FAM117B: variants seen among roughly 807,000 people sequenced by gnomAD.
FAM117B encodes the protein protein FAM117B.
A neutral mutation model predicts 52.8 loss-of-function variants in FAM117B; 22 were observed. That is an observed-to-expected ratio of 0.42 (90% confidence interval 0.30 to 0.59). The LOEUF (loss-of-function observed/expected upper bound fraction) is 0.59. Among genes scored for constraint, FAM117B ranks in the 20% least tolerant of loss-of-function variants. The probability of loss-of-function intolerance (pLI) is 0.22; values close to 1 mark genes in which losing one functional copy is unlikely to be tolerated. For synonymous variants in FAM117B, 309 were observed against 324.1 expected (o/e 0.95, Z 0.50); for missense variants, 678 against 802.6 (o/e 0.84, Z 1.88).
chr2:202,726,383 A>C lies in FAM117B; in HGVS notation c.960+20A>C, dbSNP rs774887286. On this transcript the variant is annotated intron_variant, in intron 4 of 7. Transcript: ENST00000392238. ...TGTCAGGTAAGAGTACCAATACCACAAAATCCAGAAAAGGAATTTGTTGTT... is the reference window on the plus strand; with the variant it reads ...TGTCAGGTAAGAGTACCAATACCACCAAATCCAGAAAAGGAATTTGTTGTT... 1.3e-6 allele frequency: 2 copies of C among 1,532,186 alleles called. No homozygotes were observed. The highest frequency in any genetic ancestry group is 1.8e-6 in the Non-Finnish European group (2 of 1,120,782). The allele number at this position is 1,532,186 out of a possible 1,614,324, so 94.9% of individuals were successfully genotyped here.
chr2:202,716,523 T>A (rs755239152), intron 2 of FAM117B, among the ~76,000 whole-genome samples: 5 of 152,118 alleles, frequency 3.3e-5, no homozygotes, highest in Non-Finnish European at 5.9e-5. Flanking sequence ...ATTTTCTTGC[T>A]TTTTATTTTT....
chr2:202,696,573 G>A (rs2105777004), intron 2 of FAM117B, among the ~76,000 whole-genome samples: 1 of 152,232 alleles, frequency 6.6e-6, no homozygotes. Flanking sequence ...ATGGAATTTG[G>A]TCTTAAAAAT....
At chr2:202,703,330 A>G (rs538132708) in intron 2 of FAM117B, among the ~76,000 whole-genome samples, 3 of 152,264 alleles carry the variant, frequency 2.0e-5, no homozygotes, top group East Asian at 1.9e-4. Context: ...AGGTTCATTC[A>G]TGTTGTATCA....
chr2:202,709,049 C>T (rs996320146), intron 2 of FAM117B, among the ~76,000 whole-genome samples: 7 of 152,196 alleles, frequency 4.6e-5, no homozygotes, highest in African/African-American at 1.2e-4. Context: ...TCCTGACAGG[C>T]GCGAGATGAT....
intron 4 of FAM117B, among the ~76,000 whole-genome samples, chr2:202,755,286 A>T (rs1482323255): frequency 6.6e-6 from 1 of 152,068 alleles, no homozygotes; most frequent in Non-Finnish European, 1.5e-5. Context: ...TACTATATTT[A>T]TTTATCCCTG....
At position 202,658,916 on chromosome 2, in the gene FAM117B, T is replaced by C. The variant is rs150270478; in HGVS notation, c.601+23128T>C. On this transcript the variant is annotated intron_variant, in intron 1 of 7. Coordinates refer to ENST00000392238, the MANE Select transcript of FAM117B (RefSeq NM_173511.4). ...AGGTTTTGTTTTGTCAAATATTTTTTTTCTGCTCCAGTTTTTTTCTTTTGT... is the reference window on the plus strand; with the variant it reads ...AGGTTTTGTTTTGTCAAATATTTTTCTTCTGCTCCAGTTTTTTTCTTTTGT... 5.7e-3 allele frequency among the ~76,000 whole-genome samples: 863 copies of C among 152,286 alleles called. 5 individuals carry two copies. The highest frequency in any genetic ancestry group is 0.014 in the South Asian group (70 of 4,832).
chr2:202,741,922 C>A (rs1356194447), intron 4 of FAM117B, among the ~76,000 whole-genome samples: 1 of 152,052 alleles, frequency 6.6e-6, no homozygotes, highest in African/African-American at 2.4e-5. Context: ...AGCTAGAAGA[C>A]ATAATGGAAA....
At chr2:202,763,202 G>A (rs1199618461) in intron 7 of FAM117B, among the ~76,000 whole-genome samples, 1 of 151,154 alleles carries the variant, frequency 6.6e-6, no homozygotes. Context: ...CTCCCAAATA[G>A]CTGGGACTAC....
intron 2 of FAM117B, among the ~76,000 whole-genome samples, chr2:202,708,649 A>G (rs1353244351): frequency 6.6e-6 from 1 of 152,184 alleles, no homozygotes; most frequent in Admixed American, 6.5e-5. Flanking sequence ...TCTGTTGCGC[A>G]GGCTGAAATA....
chr2:202,697,775 C>A (rs1166445456), intron 2 of FAM117B, among the ~76,000 whole-genome samples: 1 of 152,076 alleles, frequency 6.6e-6, no homozygotes, highest in Non-Finnish European at 1.5e-5. Context: ...GTCTCAAACT[C>A]CTGTCCTCAA....
chr2:202,651,060 CTTT>C (rs138809054), intron 1 of FAM117B, among the ~76,000 whole-genome samples: 17 of 124,176 alleles, frequency 1.4e-4, no homozygotes, highest in Admixed American at 2.5e-4. Flanking sequence ...ATTTGCCATT[CTTT>C]TTTTTTTTTT....
intron 4 of FAM117B, among the ~76,000 whole-genome samples, chr2:202,749,863 G>A (rs1337704709): frequency 6.6e-6 from 1 of 152,080 alleles, no homozygotes; most frequent in Non-Finnish European, 1.5e-5. Flanking sequence ...CAAGTTCTCT[G>A]GATCACTATA....
In FAM117B at chr2:202,767,014, G is replaced by A. The variant is rs1691991632; in HGVS notation, c.*1250G>A. 6.6e-6 allele frequency: 1 copy of A among 152,594 alleles called. No homozygotes were observed. Among genetic ancestry groups the A allele is most frequent in the South Asian group, 2.1e-4 (1 of 4,828 alleles). 9.5% of individuals were successfully genotyped at this position (152,594 alleles called of 1,614,324 possible). A position where few individuals can be genotyped will look rare whatever the true frequency, so the allele number is the denominator to read the frequency against. On this transcript the variant is annotated 3_prime_UTR_variant, in exon 8 of 8. Transcript: ENST00000392238. ...TTCACATAGTGGGGAAAATACACAAGAAGAACTTGAGTATGAACGATAAGC... is the reference window on the plus strand; with the variant it reads ...TTCACATAGTGGGGAAAATACACAAAAAGAACTTGAGTATGAACGATAAGC...
At chr2:202,739,843 A>T (rs1691496673) in intron 4 of FAM117B, among the ~76,000 whole-genome samples, 1 of 151,906 alleles carries the variant, frequency 6.6e-6, no homozygotes, top group African/African-American at 2.4e-5. Flanking sequence ...GTCATGTCCA[A>T]ATTGTTTTTC....
intron 1 of FAM117B, among the ~76,000 whole-genome samples, chr2:202,680,815 A>G (rs554565250): frequency 2.0e-5 from 3 of 152,356 alleles, no homozygotes; most frequent in Admixed American, 1.3e-4. Context: ...AAATTACACT[A>G]TAAAAAATGC....
chr2:202,666,997 A>G (rs376770558), intron 1 of FAM117B, among the ~76,000 whole-genome samples: 5 of 152,022 alleles, frequency 3.3e-5, no homozygotes, highest in African/African-American at 7.2e-5. Flanking sequence ...GTGTTGTAGC[A>G]GTGATTTAAA....
intron 4 of FAM117B, among the ~76,000 whole-genome samples, chr2:202,732,413 T>C (rs1344817760): frequency 6.6e-6 from 1 of 152,210 alleles, no homozygotes; most frequent in Non-Finnish European, 1.5e-5. Context: ...ACCCAATGTC[T>C]ATCAGCTGAT....
chr2:202,687,774 T>A (rs1459294217), intron 1 of FAM117B, among the ~76,000 whole-genome samples: 1 of 152,222 alleles, frequency 6.6e-6, no homozygotes, highest in Admixed American at 6.5e-5. Context: ...ACTAATTGGA[T>A]TTTTAAGTTT....
chr2:202,665,053 G>T (rs879697970), intron 1 of FAM117B, among the ~76,000 whole-genome samples: 5 of 152,148 alleles, frequency 3.3e-5, no homozygotes, highest in African/African-American at 1.2e-4. Context: ...TCATGGAGTT[G>T]ACAGAATCCA....
Sources: allele counts gnomAD v4.1 joint callset (sites outside exome capture counted in the v4.1 genomes callset), GRCh38; gene constraint gnomAD v4.1.1; transcripts MANE v1.5; gene names NCBI Gene and HGNC (gene_info 2026-07-23, HGNC 2026-07-21).